DOCK7: variants seen among roughly 807,000 people sequenced by gnomAD.
DOCK7 encodes dedicator of cytokinesis protein 7.
DOCK7 carries 138 observed loss-of-function variants against 271.0 expected under a neutral mutation model. That is an observed-to-expected ratio of 0.51 (90% CI 0.44 to 0.59). The LOEUF is 0.59. Among genes scored for constraint, DOCK7 ranks in the 20% least tolerant of loss-of-function variants. DOCK7 has a pLI of 0.00. For synonymous variants in DOCK7, 823 were observed against 876.1 expected (o/e 0.94, Z 1.07); for missense variants, 2,066 against 2,592.4 (o/e 0.80, Z 4.41).
Position 62,543,752 on chromosome 1 carries a change from A to G in DOCK7, c.2860-7T>C, listed in dbSNP as rs1645611262. 3.8e-6 allele frequency: 6 copies of G among 1,567,816 alleles called. No individual in the cohort carries two copies. The highest frequency in any genetic ancestry group is 5.2e-6 in the Non-Finnish European group (6 of 1,145,898). On this transcript the variant is annotated splice_polypyrimidine_tract_variant and splice_region_variant and intron_variant, in intron 23 of 49. Coordinates refer to ENST00000635253, the MANE Select transcript of DOCK7 (RefSeq NM_001367561.1). ...TACAACTTCGATCCATAGCCTATGG[A>G]GTGAAGATGAATGAATGACGAGATA...
At chr1:62,463,927 ATTCTTT>A (rs1164366329) in intron 48 of DOCK7, among the ~76,000 whole-genome samples, 1 of 152,190 alleles carries the variant, frequency 6.6e-6, no homozygotes, top group Admixed American at 6.5e-5. Context: ...TTTTCTTCCT[ATTCTTT>A]AACAGCAAAT....
intron 47 of DOCK7, 124 bp from the exon 48 acceptor site, chr1:62,474,212 T>TA (rs1349846057): frequency 1.7e-5 from 11 of 653,906 alleles, no homozygotes; most frequent in Non-Finnish European, 2.4e-5. Context: ...CATATATGCC[T>TA]ATGCCTATAT....
At chr1:62,506,903 C>T (rs981620889) in intron 35 of DOCK7, among the ~76,000 whole-genome samples, 33 of 150,894 alleles carry the variant, frequency 2.2e-4, no homozygotes, top group Non-Finnish European at 4.3e-4. Flanking sequence ...GCTGAGATTG[C>T]GCCACTGCAC....
intron 43 of DOCK7, chr1:62,479,668 T>A (rs993280035): frequency 3.1e-6 from 1 of 324,768 alleles, no homozygotes; most frequent in African/African-American, 2.1e-5. Flanking sequence ...TCCTACTTTT[T>A]GTTTTTTATT....
chr1:62,553,367 T>G (rs1478567082), intron 21 of DOCK7, among the ~76,000 whole-genome samples: 1 of 8,256 alleles, frequency 1.2e-4, no homozygotes, highest in Non-Finnish European at 2.0e-4. Flanking sequence ...TTTTTTTTTT[T>G]TTTTTTTTTT....
chr1:62,572,211 AC>A (rs1557738729), intron 18 of DOCK7, among the ~76,000 whole-genome samples: 2 of 152,368 alleles, frequency 1.3e-5, no homozygotes, highest in East Asian at 3.9e-4. Context: ...AATCAGTGTT[AC>A]AACAAACCCT....
In DOCK7 at chr1:62,475,348, T is replaced by C; in HGVS notation, c.5965A>G (p.Ile1989Val). The change falls in exon 47 of 50, where the codon ATC (isoleucine) becomes GTC (valine). Residue 1989 changes from isoleucine to valine, a missense_variant. Physicochemically the swap from Ile to Val is conservative, Grantham distance 29. Transcript: ENST00000635253. ...ATAGCAACTTCAATTGGTGTTAAGATGATCTGAGTAAAAGAGCATCTGTTA... is the reference window on the plus strand; with the variant it reads ...ATAGCAACTTCAATTGGTGTTAAGACGATCTGAGTAAAAGAGCATCTGTTA... Reference protein sequence around the residue: ...RVNVTHKEEIILTPIEVAIED... With the variant: ...RVNVTHKEEIVLTPIEVAIED... 6.2e-7 allele frequency: 1 copy of C among 1,613,840 alleles called. No individual in the cohort carries two copies. The highest frequency in any genetic ancestry group is 8.5e-7 in the Non-Finnish European group (1 of 1,179,880).
chr1:62,613,646 T>G (rs1652081256), intron 14 of DOCK7, among the ~76,000 whole-genome samples: 1 of 152,166 alleles, frequency 6.6e-6, no homozygotes, highest in Admixed American at 6.6e-5. Flanking sequence ...GTGAAAGGTG[T>G]ATAGGAAATC....
intron 7 of DOCK7, among the ~76,000 whole-genome samples, chr1:62,641,842 C>T (rs1186403450): frequency 6.6e-6 from 1 of 152,158 alleles, no homozygotes; most frequent in Non-Finnish European, 1.5e-5. Flanking sequence ...GACTTAAAGT[C>T]AATTTTGTAA....
intron 14 of DOCK7, among the ~76,000 whole-genome samples, chr1:62,597,283 C>T (rs1164310033): frequency 6.6e-6 from 1 of 152,100 alleles, no homozygotes; most frequent in Non-Finnish European, 1.5e-5. Context: ...CAGGTAGTCA[C>T]CATAGCATTG....
chr1:62,505,656 A>G, intron 36 of DOCK7, 26 bp downstream of exon 36: 1 of 1,586,252 alleles, frequency 6.3e-7, no homozygotes, highest in South Asian at 1.2e-5. Flanking sequence ...AAAGTCTGAC[A>G]ACACTGCAGG....
chr1:62,520,342 A>C (rs1483621870), intron 31 of DOCK7, among the ~76,000 whole-genome samples: 1 of 152,220 alleles, frequency 6.6e-6, no homozygotes, highest in African/African-American at 2.4e-5. Flanking sequence ...AAAATTTTGC[A>C]ATCTATCCAA....
intron 7 of DOCK7, among the ~76,000 whole-genome samples, chr1:62,637,079 C>T (rs1197724256): frequency 6.6e-6 from 1 of 152,156 alleles, no homozygotes; most frequent in African/African-American, 2.4e-5. Flanking sequence ...AATGCCTAAT[C>T]CATCTAGACT....
intron 31 of DOCK7, among the ~76,000 whole-genome samples, chr1:62,519,885 G>A (rs1297453863): frequency 6.6e-6 from 1 of 152,098 alleles, no homozygotes; most frequent in East Asian, 1.9e-4. Context: ...AAAACAGCAG[G>A]TACTGGTACC....
intron 12 of DOCK7, among the ~76,000 whole-genome samples, chr1:62,624,209 T>C (rs957390993): frequency 4.6e-5 from 7 of 152,024 alleles, no homozygotes; most frequent in Non-Finnish European, 1.0e-4. Context: ...TATATACATA[T>C]ACACATGTGT....
intron 41 of DOCK7, among the ~76,000 whole-genome samples, chr1:62,491,434 A>G (rs957578605): frequency 1.3e-5 from 2 of 152,268 alleles, no homozygotes; most frequent in South Asian, 4.1e-4. Context: ...GAAGGTAAGC[A>G]TGAATTCAGC....
intron 30 of DOCK7, 37 bp downstream of exon 30, chr1:62,529,240 C>G: frequency 6.6e-7 from 1 of 1,518,760 alleles, no homozygotes; most frequent in Non-Finnish European, 8.8e-7. Flanking sequence ...AAACATTGAG[C>G]TTTGCCTTTA....
intron 19 of DOCK7, among the ~76,000 whole-genome samples, 166 bp downstream of exon 19, chr1:62,561,451 T>A (rs1028767871): frequency 1.3e-5 from 2 of 152,234 alleles, no homozygotes; most frequent in African/African-American, 2.4e-5. Context: ...TTGATTCTTT[T>A]TAAAAAAATC....
intron 14 of DOCK7, chr1:62,598,598 A>C (rs761184737): frequency 7.0e-6 from 5 of 715,950 alleles, no homozygotes; most frequent in Non-Finnish European, 2.5e-6. Flanking sequence ...TTTCAAATCC[A>C]TTATTAGTTT....
Sources: gnomAD v4.1 joint callset for allele counts (sites outside exome capture counted in the v4.1 genomes callset) on GRCh38, gnomAD v4.1.1 for gene constraint, MANE v1.5 for transcripts, NCBI Gene and HGNC (gene_info 2026-07-23, HGNC 2026-07-21) for gene names.